TSHZ2: variants seen among roughly 807,000 people sequenced by gnomAD.
TSHZ2 encodes teashirt zinc finger homeobox 2.
Under a neutral mutation model 74.4 loss-of-function variants are expected in TSHZ2, and 21 were observed. That is an observed-to-expected ratio of 0.28 (90% CI 0.20 to 0.41). The LOEUF is 0.41. TSHZ2 is among the 10% of genes least tolerant of loss of function. The pLI, the probability that TSHZ2 is intolerant of heterozygous loss-of-function variation, is 1.00. For missense variants in TSHZ2, 1,244 were observed against 1,293.5 expected (o/e 0.96, Z 0.59); for synonymous variants, 540 against 515.3 (o/e 1.05, Z -0.65).
Position 53,164,425 on chromosome 20 carries a change from T to TA in TSHZ2, c.41-89062dup, listed in dbSNP as rs35106499. ...AGATCATTTTCCTGGTCACCTTTCT[T>TA]AAAAAAAAAAAAGGAATATACATAG... is the stretch of plus-strand genomic sequence containing the variant. On this transcript the variant is annotated intron_variant, in intron 1 of 2. Coordinates refer to ENST00000371497, the MANE Select transcript of TSHZ2 (RefSeq NM_173485.6). 4.0e-3 allele frequency among the ~76,000 whole-genome samples: 582 copies of TA among 147,046 alleles called. 1 individual carries two copies. Among genetic ancestry groups the TA allele is most frequent in the African/African-American group, 0.012 (504 of 40,512 alleles).
chr20:53,072,392 T>C (rs1220800494), intron 1 of TSHZ2, among the ~76,000 whole-genome samples: 1 of 152,204 alleles, frequency 6.6e-6, no homozygotes, highest in East Asian at 1.9e-4. Flanking sequence ...GGGAAAGGGG[T>C]CCTACTATGT....
chr20:53,227,915 C>G (rs1989721116), intron 1 of TSHZ2, among the ~76,000 whole-genome samples: 1 of 151,482 alleles, frequency 6.6e-6, no homozygotes, highest in Admixed American at 6.6e-5. Context: ...TTTTAACGAA[C>G]TGAAGTTTCA....
At chr20:53,014,772 G>C (rs1982976309) in intron 1 of TSHZ2, among the ~76,000 whole-genome samples, 1 of 152,080 alleles carries the variant, frequency 6.6e-6, no homozygotes, top group South Asian at 2.1e-4. Context: ...CAAGGTCAGG[G>C]ACAGGGACTT....
intron 1 of TSHZ2, among the ~76,000 whole-genome samples, chr20:53,062,490 A>G (rs1166150935): frequency 6.6e-6 from 1 of 152,214 alleles, no homozygotes; most frequent in Admixed American, 6.5e-5. Context: ...AGTGTTTACA[A>G]GTGTTAGTGT....
intron 2 of TSHZ2, among the ~76,000 whole-genome samples, chr20:53,441,911 C>T (rs1984348138): frequency 6.6e-6 from 1 of 152,182 alleles, no homozygotes; most frequent in African/African-American, 2.4e-5. Flanking sequence ...AATGTGCAAA[C>T]ATTCTCTCCA....
intron 1 of TSHZ2, among the ~76,000 whole-genome samples, chr20:53,114,781 C>T (rs913772755): frequency 2.0e-5 from 3 of 152,176 alleles, no homozygotes; most frequent in African/African-American, 7.2e-5. Flanking sequence ...TTATTTGGGC[C>T]TTCTGCTTAA....
chr20:53,224,662 C>G (rs1171362843), intron 1 of TSHZ2, among the ~76,000 whole-genome samples: 1 of 151,952 alleles, frequency 6.6e-6, no homozygotes, highest in Non-Finnish European at 1.5e-5. Flanking sequence ...CCAACCTGGA[C>G]AACATGGTGA....
chr20:53,351,089 A>G (rs965631413), intron 2 of TSHZ2, among the ~76,000 whole-genome samples: 2 of 152,256 alleles, frequency 1.3e-5, no homozygotes, highest in African/African-American at 4.8e-5. Context: ...GCAATTCGTT[A>G]GGAAGAAGCA....
intron 2 of TSHZ2, among the ~76,000 whole-genome samples, chr20:53,324,995 A>G (rs1157414220): frequency 6.6e-6 from 1 of 152,232 alleles, no homozygotes; most frequent in East Asian, 1.9e-4. Context: ...AAATGCATGA[A>G]TCTGGCAGAA....
intron 2 of TSHZ2, among the ~76,000 whole-genome samples, chr20:53,441,424 A>T (rs1984321556): frequency 6.7e-6 from 1 of 149,760 alleles, no homozygotes; most frequent in South Asian, 2.1e-4. Context: ...CGCCACCAAA[A>T]CCGGCTAGGT....
At chr20:53,360,683 G>T (rs974402929) in intron 2 of TSHZ2, among the ~76,000 whole-genome samples, 7 of 152,120 alleles carry the variant, frequency 4.6e-5, no homozygotes, top group Non-Finnish European at 8.8e-5. Flanking sequence ...CTAATTCTTA[G>T]AAAGCCCAAA....
At chr20:53,277,973 T>C (rs957053635) in intron 2 of TSHZ2, among the ~76,000 whole-genome samples, 1 of 152,002 alleles carries the variant, frequency 6.6e-6, no homozygotes, top group Non-Finnish European at 1.5e-5. Context: ...CTTCAGGTCT[T>C]CTCATCTCTA....
intron 1 of TSHZ2, among the ~76,000 whole-genome samples, chr20:53,157,539 T>A (rs182274572): frequency 3.9e-5 from 6 of 152,042 alleles, no homozygotes; most frequent in African/African-American, 1.2e-4. Context: ...TCTGAGTAAC[T>A]AAGACTACAG....
intron 2 of TSHZ2, among the ~76,000 whole-genome samples, chr20:53,285,621 A>G (rs1991149131): frequency 6.6e-6 from 1 of 152,048 alleles, no homozygotes; most frequent in Non-Finnish European, 1.5e-5. Flanking sequence ...GAGGCAGGAG[A>G]ATTGCTTGAA....
At chr20:53,452,576 G>C (rs1189802823) in intron 2 of TSHZ2, among the ~76,000 whole-genome samples, 1 of 147,624 alleles carries the variant, frequency 6.8e-6, no homozygotes, top group African/African-American at 2.5e-5. Flanking sequence ...TCTAGCCTGG[G>C]TGACACAGTG....
chr20:53,366,380 G>A (rs1981257938), intron 2 of TSHZ2, among the ~76,000 whole-genome samples: 1 of 152,174 alleles, frequency 6.6e-6, no homozygotes, highest in South Asian at 2.1e-4. Context: ...TTAGGTAGTG[G>A]GAAAGGTGTT....
rs185387993 is a variant in TSHZ2, at chr20:53,271,391, C to T, written c.*8+14820C>T. Among the ~76,000 whole-genome samples, 72 of 152,336 alleles carry T rather than the reference C, an allele frequency of 4.7e-4. 1 individual carries two copies. The highest frequency in any genetic ancestry group is 4.1e-3 in the Admixed American group (63 of 15,306). On this transcript the variant is annotated intron_variant, in intron 2 of 2. Coordinates refer to ENST00000371497, the MANE Select transcript of TSHZ2 (RefSeq NM_173485.6). ...TTAAATACAACCCACTAAGCACCTG[C>T]CTAGCCCTGTATCAGGCATGTAGAA...
intron 1 of TSHZ2, among the ~76,000 whole-genome samples, chr20:53,215,631 C>T (rs370326022): frequency 6.6e-6 from 1 of 151,494 alleles, no homozygotes; most frequent in Non-Finnish European, 1.5e-5. Flanking sequence ...CTTTGAGAGG[C>T]CAAGGCAGGT....
chr20:53,452,760 A>G (rs1046820039), intron 2 of TSHZ2, among the ~76,000 whole-genome samples: 2 of 152,230 alleles, frequency 1.3e-5, no homozygotes, highest in African/African-American at 4.8e-5. Flanking sequence ...AAGGAGGTAC[A>G]TGTTTCTTCC....
Sources: gnomAD v4.1 joint callset for allele counts (sites outside exome capture counted in the v4.1 genomes callset) on GRCh38, gnomAD v4.1.1 for gene constraint, MANE v1.5 for transcripts, NCBI Gene and HGNC (gene_info 2026-07-23, HGNC 2026-07-21) for gene names.